Variants in KLRG1 observed in about 807,000 individuals in gnomAD.
KLRG1 encodes the protein killer cell lectin like receptor G1.
KLRG1 carries 16 observed loss-of-function variants against 21.8 expected under a neutral mutation model. The observed-to-expected ratio is 0.73, with a 90% CI of 0.50 to 1.11. KLRG1 has a LOEUF of 1.11. Among genes scored for constraint, KLRG1 ranks in the 50% most tolerant of loss-of-function variants. The probability of loss-of-function intolerance (pLI) is 0.00; values close to 1 mark genes in which losing one functional copy is unlikely to be tolerated. For missense variants in KLRG1, 173 were observed against 218.3 expected (o/e 0.79, Z 1.31); for synonymous variants, 69 against 75.9 (o/e 0.91, Z 0.47).
intron 1 of KLRG1, among the ~76,000 whole-genome samples, chr12:8,952,142 C>A (rs1004606987): frequency 5.3e-5 from 8 of 152,282 alleles, no homozygotes; most frequent in African/African-American, 1.7e-4. Context: ...AACAAGCACA[C>A]TCCCCACAAT....
intron 1 of KLRG1, among the ~76,000 whole-genome samples, chr12:8,950,997 T>G (rs1201399063): frequency 6.6e-6 from 1 of 151,846 alleles, no homozygotes; most frequent in African/African-American, 2.4e-5. Flanking sequence ...CAGTTCAGGC[T>G]AGGTAGTAAT....
At chr12:9,154,488 C>T in the KLRG1 span, 1 of 962,510 alleles carries the variant, frequency 1.0e-6, no homozygotes, top group African/African-American at 1.7e-5. Context: ...TCTCATGGTC[C>T]TCAAATATTC....
the KLRG1 span, chr12:9,151,791 T>G: frequency 2.7e-6 from 2 of 737,642 alleles, no homozygotes. Flanking sequence ...GAAAGCTAAT[T>G]GTTTTCAGGT....
At chr12:9,106,696 G>C in the KLRG1 span, 5 of 602,486 alleles carry the variant, frequency 8.3e-6, no homozygotes, top group Non-Finnish European at 1.5e-5. Context: ...TTTGTGGGGG[G>C]ACAACATCAT....
the KLRG1 span, among the ~76,000 whole-genome samples, chr12:9,030,337 G>C: frequency 6.6e-6 from 1 of 152,160 alleles, no homozygotes; most frequent in African/African-American, 2.4e-5. Flanking sequence ...CCATTTTCAA[G>C]TGTATAATTC....
the KLRG1 span, chr12:9,111,419 C>G: frequency 2.4e-6 from 1 of 418,304 alleles, no homozygotes; most frequent in African/African-American, 2.1e-5. Flanking sequence ...AAAGTAGAAG[C>G]TGGGAGACCA....
downstream of KLRG1, among the ~76,000 whole-genome samples, chr12:9,013,936 A>C (rs1332717987): frequency 6.6e-6 from 1 of 152,194 alleles, no homozygotes; most frequent in South Asian, 2.1e-4. Flanking sequence ...TGAAAAATCA[A>C]GCAGAAATTC....
chr12:8,973,991 G>A (rs1946614338), intron 1 of KLRG1, among the ~76,000 whole-genome samples: 1 of 151,826 alleles, frequency 6.6e-6, no homozygotes, highest in Non-Finnish European at 1.5e-5. Flanking sequence ...ACTGCAAATA[G>A]CTATAGTTTT....
the KLRG1 span, among the ~76,000 whole-genome samples, chr12:9,152,650 A>G: frequency 6.6e-6 from 1 of 152,222 alleles, no homozygotes; most frequent in East Asian, 1.9e-4. Context: ...TTACTTTTAT[A>G]TTTTTAGTAG....
chr12:8,971,757 C>T (rs1348572512), intron 1 of KLRG1, among the ~76,000 whole-genome samples: 1 of 152,206 alleles, frequency 6.6e-6, no homozygotes, highest in East Asian at 1.9e-4. Flanking sequence ...TCCCAAAGTG[C>T]TGGGATTACA....
chr12:9,095,018 G>C, the KLRG1 span: 1 of 1,595,556 alleles, frequency 6.3e-7, no homozygotes. Context: ...ATTTCATACT[G>C]TTGAAGCTGT....
chr12:9,166,046 A>G, the KLRG1 span: 1 of 1,600,234 alleles, frequency 6.2e-7, no homozygotes, highest in Non-Finnish European at 8.5e-7. Context: ...AAGTAAAGTT[A>G]CTTACTTCAC....
the KLRG1 span, among the ~76,000 whole-genome samples, chr12:9,132,978 T>C: frequency 6.6e-6 from 1 of 152,198 alleles, no homozygotes; most frequent in Non-Finnish European, 1.5e-5. Context: ...TATTTATAGA[T>C]ACTGTATGCC....
chr12:9,027,805 C>G, the KLRG1 span: 2 of 1,251,146 alleles, frequency 1.6e-6, no homozygotes, highest in Non-Finnish European at 2.3e-6. Flanking sequence ...ACAGCTGCCA[C>G]CAAAGCCACC....
At chr12:9,090,968 C>A in the KLRG1 span, among the ~76,000 whole-genome samples, 2 of 152,130 alleles carry the variant, frequency 1.3e-5, no homozygotes, top group African/African-American at 2.4e-5. Context: ...ACTTTTGTCA[C>A]CCCTGTCAGA....
At chr12:9,165,723 A>G in the KLRG1 span, among the ~76,000 whole-genome samples, 3 of 152,242 alleles carry the variant, frequency 2.0e-5, no homozygotes, top group Admixed American at 1.3e-4. Flanking sequence ...GGATTAATGT[A>G]GCCTGATTTG....
chr12:9,021,017 T>G, the KLRG1 span, among the ~76,000 whole-genome samples: 2 of 152,168 alleles, frequency 1.3e-5, no homozygotes, highest in African/African-American at 2.4e-5. Flanking sequence ...CTGTGGACAA[T>G]TGTAACACAA....
At chr12:9,095,708 A>G in the KLRG1 span, 1 of 1,561,354 alleles carries the variant, frequency 6.4e-7, no homozygotes, top group East Asian at 2.3e-5. Flanking sequence ...AACCTGTACA[A>G]ATACGAAAGA....
chr12:9,002,641 A>G (rs1271106535), intron 3 of KLRG1, among the ~76,000 whole-genome samples: 1 of 151,878 alleles, frequency 6.6e-6, no homozygotes, highest in African/African-American at 2.4e-5. Context: ...ATCTCATCTC[A>G]CTGCAACCTC....
Sources: allele counts gnomAD v4.1 joint callset (sites outside exome capture counted in the v4.1 genomes callset), GRCh38; gene constraint gnomAD v4.1.1; transcripts MANE v1.5; gene names NCBI Gene and HGNC (gene_info 2026-07-23, HGNC 2026-07-21).